Variants in PDE10A observed in about 807,000 individuals in gnomAD.
PDE10A encodes the protein phosphodiesterase 10A.
Under a neutral mutation model 97.7 loss-of-function variants are expected in PDE10A, and 39 were observed. The observed-to-expected ratio is 0.40, with a 90% CI of 0.31 to 0.52. PDE10A has a LOEUF of 0.52. PDE10A is among the 20% of genes least tolerant of loss of function. The pLI, the probability that PDE10A is intolerant of heterozygous loss-of-function variation, is 0.56. For synonymous variants in PDE10A, 371 were observed against 376.8 expected (o/e 0.98, Z 0.18); for missense variants, 731 against 1,047.8 (o/e 0.70, Z 4.17).
chr6:165,528,810 T>C (rs972439949), intron 2 of PDE10A, among the ~76,000 whole-genome samples: 1 of 152,236 alleles, frequency 6.6e-6, no homozygotes, highest in Non-Finnish European at 1.5e-5. Context: ...AACAGTGGAA[T>C]GGCCTTTTGA....
At chr6:165,757,796 C>A (rs1390033760) in intron 1 of PDE10A, among the ~76,000 whole-genome samples, 4 of 152,054 alleles carry the variant, frequency 2.6e-5, no homozygotes, top group Non-Finnish European at 5.9e-5. Context: ...GCCATATGAC[C>A]TTTGGAGTCA....
intron 1 of PDE10A, among the ~76,000 whole-genome samples, chr6:165,785,658 C>T (rs1395259436): frequency 6.6e-6 from 1 of 152,152 alleles, no homozygotes; most frequent in East Asian, 1.9e-4. Flanking sequence ...TAAAATAGTC[C>T]TGATGCTAAA....
chr6:165,601,475 T>C (rs972213044), intron 1 of PDE10A, among the ~76,000 whole-genome samples: 2 of 152,256 alleles, frequency 1.3e-5, no homozygotes, highest in African/African-American at 4.8e-5. Flanking sequence ...AGCATTGTAA[T>C]ATGAAATACT....
intron 10 of PDE10A, among the ~76,000 whole-genome samples, chr6:165,424,108 A>G (rs1426280113): frequency 6.6e-6 from 1 of 152,126 alleles, no homozygotes; most frequent in Non-Finnish European, 1.5e-5. Context: ...CCCCCAAAGT[A>G]GAACCCTCTT....
At chr6:165,460,001 T>C (rs1778225020) in intron 3 of PDE10A, among the ~76,000 whole-genome samples, 1 of 152,134 alleles carries the variant, frequency 6.6e-6, no homozygotes, top group African/African-American at 2.4e-5. Context: ...TTGATAAAAA[T>C]GGGAACCCGA....
intron 3 of PDE10A, among the ~76,000 whole-genome samples, chr6:165,459,891 G>A (rs968402430): frequency 6.6e-6 from 1 of 152,218 alleles, no homozygotes; most frequent in African/African-American, 2.4e-5. Flanking sequence ...AAATCAGCGA[G>A]TCAGGCCGCC....
rs187725505 is a variant in PDE10A at position 165,741,707 on chromosome 6, T to C, written c.-614-198139A>G. Among the ~76,000 whole-genome samples, 174 of 152,284 alleles carry C rather than the reference T, an allele frequency of 1.1e-3. 2 individuals carry two copies. The highest frequency in any genetic ancestry group is 1.3e-4 in the Non-Finnish European group (9 of 68,032). ...GTAAATTTTAAAATATGCATGCCAATGAAAACTACTAAATTCAGACTAGTG... is the reference window on the plus strand; with the variant it reads ...GTAAATTTTAAAATATGCATGCCAACGAAAACTACTAAATTCAGACTAGTG... On this transcript the variant is annotated intron_variant, in intron 1 of 19. Transcript: ENST00000366882.
At chr6:165,405,127 G>A (rs1021513586) in intron 13 of PDE10A, among the ~76,000 whole-genome samples, 1 of 152,062 alleles carries the variant, frequency 6.6e-6, no homozygotes, top group Non-Finnish European at 1.5e-5. Context: ...TGAAATAAGA[G>A]ACAGCTGAAT....
At chr6:165,892,731 G>A (rs978064221) in intron 1 of PDE10A, among the ~76,000 whole-genome samples, 1 of 152,140 alleles carries the variant, frequency 6.6e-6, no homozygotes, top group Admixed American at 6.5e-5. Flanking sequence ...ATTTCTCTCA[G>A]CCTCTTGTAC....
At position 165,690,574 on chromosome 6, in the gene PDE10A, A is replaced by G. The variant is rs541949640; in HGVS notation, c.-614-147006T>C. ...CTCTCTGCTCTTGGAGGCAGGTCCA[A>G]ACTTGATGATGGGTTGGTAGGATGG... On this transcript the variant is annotated intron_variant, in intron 1 of 19. Coordinates refer to the PDE10A transcript ENST00000366882. 9.9e-5 allele frequency among the ~76,000 whole-genome samples: 15 copies of G among 152,228 alleles called. No individual in the cohort carries two copies. In the East Asian group the frequency reaches 2.9e-3, roughly 29 times the overall value.
chr6:165,855,899 A>G (rs1295950386), intron 1 of PDE10A, among the ~76,000 whole-genome samples: 3 of 152,182 alleles, frequency 2.0e-5, no homozygotes, highest in Non-Finnish European at 4.4e-5. Flanking sequence ...TCTTTCTGCC[A>G]CATTTTCTGT....
chr6:165,685,750 T>C (rs1284799244), intron 1 of PDE10A, among the ~76,000 whole-genome samples: 3 of 152,090 alleles, frequency 2.0e-5, no homozygotes, highest in Non-Finnish European at 4.4e-5. Context: ...GCTGGCAAAA[T>C]ATATCCATGT....
chr6:165,867,951 G>C (rs1298848185), intron 1 of PDE10A, among the ~76,000 whole-genome samples: 2 of 152,102 alleles, frequency 1.3e-5, no homozygotes, highest in Non-Finnish European at 2.9e-5. Context: ...AATTAAGAGG[G>C]AAATTTTAAA....
chr6:165,409,654 GA>G, intron 13 of PDE10A: 1 of 154,458 alleles, frequency 6.5e-6, no homozygotes, highest in Non-Finnish European at 1.4e-5. Flanking sequence ...ATGGGAGAAA[GA>G]AAAGGTAACC....
chr6:165,533,003 C>G (rs952140851), intron 2 of PDE10A, among the ~76,000 whole-genome samples: 2 of 152,152 alleles, frequency 1.3e-5, no homozygotes, highest in East Asian at 3.9e-4. Flanking sequence ...AGACAGAGAG[C>G]ATGGACTCAG....
chr6:165,869,267 A>T (rs932836150), intron 1 of PDE10A, among the ~76,000 whole-genome samples: 1 of 152,136 alleles, frequency 6.6e-6, no homozygotes, highest in Non-Finnish European at 1.5e-5. Flanking sequence ...AAATCAACAT[A>T]CAAAAGTTAG....
intron 1 of PDE10A, among the ~76,000 whole-genome samples, chr6:165,636,342 A>G (rs191607958): frequency 4.6e-5 from 7 of 152,328 alleles, no homozygotes; most frequent in Admixed American, 3.3e-4. Context: ...TAAAGTTACA[A>G]TAATTTTCCT....
At chr6:165,405,656 C>T (rs1355832722) in intron 13 of PDE10A, among the ~76,000 whole-genome samples, 1 of 152,182 alleles carries the variant, frequency 6.6e-6, no homozygotes, top group African/African-American at 2.4e-5. Flanking sequence ...CATAAGCTGA[C>T]TTCCCCAAGG....
At chr6:165,551,658 C>T (rs1193815039) in intron 1 of PDE10A, among the ~76,000 whole-genome samples, 1 of 152,140 alleles carries the variant, frequency 6.6e-6, no homozygotes, top group Non-Finnish European at 1.5e-5. Context: ...GGCCAGACTG[C>T]CTTGTGTTTC....
Sources: allele counts gnomAD v4.1 joint callset (sites outside exome capture counted in the v4.1 genomes callset), GRCh38; gene constraint gnomAD v4.1.1; transcripts MANE v1.5; gene names NCBI Gene and HGNC (gene_info 2026-07-23, HGNC 2026-07-21).